Variants in SLC30A9 observed in about 807,000 individuals in gnomAD.
SLC30A9 encodes the protein solute carrier family 30 member 9.
Under a neutral mutation model 87.5 loss-of-function variants are expected in SLC30A9, and 58 were observed. The ratio of observed to expected loss-of-function variants is 0.66; its 90% CI spans 0.54 to 0.82. The LOEUF is 0.82. Among genes scored for constraint, SLC30A9 ranks in the 40% least tolerant of loss-of-function variants. SLC30A9 has a pLI of 0.00. For synonymous variants in SLC30A9, 234 were observed against 233.0 expected (o/e 1.00, Z -0.04); for missense variants, 557 against 679.1 (o/e 0.82, Z 2.00).
rs752245649 is a variant in SLC30A9 at position 41,990,736 on chromosome 4, G to GCC, written c.86_87dup (p.Cys30ProfsTer13). 3.1e-6 allele frequency: 5 copies of GCC among 1,611,036 alleles called. No homozygotes were observed. The African/African-American group carries it at 6.7e-5, about 22-fold the overall frequency. ...GCTCCGTCTGCGATGCAGGGCGGCG[G>GCC]CCTGTAATCCCAGCGACCGCCAGGG... On this transcript the variant is annotated frameshift_variant, in exon 1 of 18. Coordinates refer to ENST00000264451, the MANE Select transcript of SLC30A9 (RefSeq NM_006345.4). LOFTEE classifies it high-confidence loss of function.
At chr4:42,013,925 C>T (rs112395117) in intron 2 of SLC30A9, among the ~76,000 whole-genome samples, 1 of 152,110 alleles carries the variant, frequency 6.6e-6, no homozygotes, top group Non-Finnish European at 1.5e-5. Context: ...TTCTGCACAA[C>T]AAAGGAAACA....
At chr4:42,029,251 T>A in intron 6 of SLC30A9, 1 of 455,240 alleles carries the variant, frequency 2.2e-6, no homozygotes, top group Non-Finnish European at 4.4e-6. Context: ...TTGGAAGAAA[T>A]TCTTCTGGAA....
rs1714396993 is a variant in SLC30A9 at position 41,990,770 on chromosome 4, C to T, written c.109+10C>T. 1 of 1,592,438 alleles carries T rather than the reference C, an allele frequency of 6.3e-7. No individual in the cohort carries two copies. Reference sequence around the variant, plus strand: ...CCCAGCGACCGCCAGGGTGAGTGTCCCGCGCTGGCCGCTGGCTCCGTAGAA... The same window carrying T: ...CCCAGCGACCGCCAGGGTGAGTGTCTCGCGCTGGCCGCTGGCTCCGTAGAA... On this transcript the variant is annotated intron_variant, in intron 1 of 17. Coordinates refer to ENST00000264451, the MANE Select transcript of SLC30A9 (RefSeq NM_006345.4).
At position 42,088,371 on chromosome 4, in the gene SLC30A9, C is replaced by T. The variant is rs1458912230; in HGVS notation, c.*2245C>T. On this transcript the variant is annotated 3_prime_UTR_variant, in exon 18 of 18. Coordinates refer to ENST00000264451, the MANE Select transcript of SLC30A9 (RefSeq NM_006345.4). ...ACCAGCCTGGGCAACACAGCGAGAC[C>T]TCATCTCTACTAAAAAAAGTTAGCC... The T allele has an allele frequency of 6.6e-6, 1 of 152,300 alleles. No individual in the cohort carries two copies. The highest frequency in any genetic ancestry group is 1.5e-5 in the Non-Finnish European group (1 of 68,216). 9.4% of individuals were successfully genotyped at this position (152,300 alleles called of 1,614,324 possible).
intron 7 of SLC30A9, among the ~76,000 whole-genome samples, chr4:42,036,443 T>G (rs1221429200): frequency 6.6e-6 from 1 of 152,184 alleles, no homozygotes; most frequent in Non-Finnish European, 1.5e-5. Context: ...AATTGGGCTT[T>G]CAACCCCACC....
At chr4:42,048,792 T>C (rs370258798) in intron 8 of SLC30A9, among the ~76,000 whole-genome samples, 230 of 152,340 alleles carry the variant, frequency 1.5e-3, no homozygotes, top group African/African-American at 5.3e-3. Flanking sequence ...TGTCCACATA[T>C]AGAAGACCAT....
In SLC30A9 at chr4:42,090,410, C is replaced by T. The variant is rs559160007; in HGVS notation, c.*4284C>T. ...TGGCACATTAAGATGGTCCTGGTCC[C>T]TCAGGATACTTTTTCCCTTAATAAA... On this transcript the variant is annotated 3_prime_UTR_variant, in exon 18 of 18. Transcript: ENST00000264451. The T allele has an allele frequency of 1.3e-5, 2 of 152,266 alleles. No individual in the cohort carries two copies. Among genetic ancestry groups the T allele is most frequent in the Non-Finnish European group, 2.9e-5 (2 of 68,028 alleles). The allele number at this position is 152,266 out of a possible 1,614,324, so 9.4% of individuals were successfully genotyped here.
chr4:42,084,281 A>G (rs1718841122), intron 17 of SLC30A9, among the ~76,000 whole-genome samples: 1 of 152,132 alleles, frequency 6.6e-6, no homozygotes. Flanking sequence ...ATTTATTGCC[A>G]TATTTCTGCA....
chr4:41,990,878 C>G (rs1369211542), intron 1 of SLC30A9, 118 bp downstream of exon 1: 1 of 719,814 alleles, frequency 1.4e-6, no homozygotes, highest in Non-Finnish European at 2.3e-6. Context: ...CAGAACCTTC[C>G]TTTCTGGCCT....
intron 2 of SLC30A9, among the ~76,000 whole-genome samples, chr4:42,014,237 G>A (rs765576734): frequency 2.6e-5 from 4 of 152,174 alleles, no homozygotes. Flanking sequence ...AATAACAAAT[G>A]CTAGTGAACA....
intron 9 of SLC30A9, among the ~76,000 whole-genome samples, chr4:42,056,045 A>G (rs1230772571): frequency 6.6e-6 from 1 of 152,184 alleles, no homozygotes; most frequent in African/African-American, 2.4e-5. Context: ...ATTCTGTCTT[A>G]CCTCTGAGGA....
intron 9 of SLC30A9, among the ~76,000 whole-genome samples, chr4:42,053,552 G>A (rs1717468702): frequency 1.3e-5 from 2 of 151,922 alleles, no homozygotes; most frequent in African/African-American, 2.4e-5. Flanking sequence ...AGCTGGGCAT[G>A]GTGATGGGCC....
Position 42,063,007 on chromosome 4 carries a change from C to T in SLC30A9, c.918C>T (p.Arg306=). 1 of 1,612,750 alleles carries T rather than the reference C, an allele frequency of 6.2e-7. No homozygotes were observed. ...TCAGGTACGGATTTTCAAATATGCG[C>T]TATATTTCTTCGCTAATTAGTGGTG... is the stretch of plus-strand genomic sequence containing the variant. ...PSHPYGFSNM[R]YISSLISGVG... The change falls in exon 11 of 18, where the codon CGC becomes CGT. Residue 306 remains arginine, a synonymous_variant. Transcript: ENST00000264451.
At chr4:41,994,830 A>G (rs1714624417) in intron 1 of SLC30A9, among the ~76,000 whole-genome samples, 1 of 143,544 alleles carries the variant, frequency 7.0e-6, no homozygotes, top group Non-Finnish European at 1.5e-5. Context: ...GTGGTCTCAA[A>G]AAAAAAAAAA....
chr4:42,018,310 A>G, intron 3 of SLC30A9, 140 bp downstream of exon 3: 1 of 773,214 alleles, frequency 1.3e-6, no homozygotes. Flanking sequence ...TAGATTGACC[A>G]TAAGGATTTA....
At chr4:41,991,944 C>T (rs17445536) in intron 1 of SLC30A9, among the ~76,000 whole-genome samples, 3 of 152,058 alleles carry the variant, frequency 2.0e-5, no homozygotes, top group Admixed American at 6.5e-5. Flanking sequence ...TAAATTTTAA[C>T]AGCACTATTC....
chr4:42,024,751 G>A (rs1311165411), intron 6 of SLC30A9, among the ~76,000 whole-genome samples: 1 of 152,052 alleles, frequency 6.6e-6, no homozygotes, highest in Non-Finnish European at 1.5e-5. Context: ...TAACTTTTTT[G>A]TGTATTTGAT....
chr4:42,077,362 T>A (rs1301803602), intron 16 of SLC30A9, among the ~76,000 whole-genome samples: 1 of 152,206 alleles, frequency 6.6e-6, no homozygotes, highest in East Asian at 1.9e-4. Flanking sequence ...TTTAAGTTCA[T>A]TTGCATTACA....
intron 9 of SLC30A9, among the ~76,000 whole-genome samples, chr4:42,054,845 C>T (rs921275038): frequency 2.6e-5 from 4 of 151,812 alleles, no homozygotes; most frequent in African/African-American, 9.7e-5. Flanking sequence ...AGTCTTGTGG[C>T]TGTATTTTCT....
Sources: gnomAD v4.1 joint callset for allele counts (sites outside exome capture counted in the v4.1 genomes callset) on GRCh38, gnomAD v4.1.1 for gene constraint, MANE v1.5 for transcripts, NCBI Gene and HGNC (gene_info 2026-07-23, HGNC 2026-07-21) for gene names.